Variants in SPATA13 observed in about 807,000 individuals in gnomAD.
SPATA13 encodes the protein spermatogenesis associated 13.
Under a neutral mutation model 104.0 loss-of-function variants are expected in SPATA13, and 50 were observed. That is an observed-to-expected ratio of 0.48 (90% confidence interval 0.38 to 0.61). SPATA13 has a LOEUF of 0.61. Among genes scored for constraint, SPATA13 ranks in the 20% least tolerant of loss-of-function variants. The pLI, the probability that SPATA13 is intolerant of heterozygous loss-of-function variation, is 0.00. For missense variants in SPATA13, 1,524 were observed against 1,690.6 expected, an observed-to-expected ratio of 0.90 and a Z score of 1.73; for synonymous variants, 606 against 667.5, an observed-to-expected ratio of 0.91 and a Z score of 1.42.
intron 3 of SPATA13, among the ~76,000 whole-genome samples, chr13:24,135,921 A>C (rs1881550190): frequency 2.0e-5 from 3 of 152,142 alleles, no homozygotes; most frequent in Non-Finnish European, 2.9e-5. Context: ...CAAATTCAGC[A>C]TAATGTGAAA....
intron 1 of SPATA13, among the ~76,000 whole-genome samples, chr13:24,217,228 TA>T (rs1424530454): frequency 6.6e-6 from 1 of 152,234 alleles, no homozygotes; most frequent in African/African-American, 2.4e-5. Flanking sequence ...TTGAGTCTCT[TA>T]AAACTTTTTT....
chr13:24,226,866 A>G (rs1871971529), intron 2 of SPATA13, among the ~76,000 whole-genome samples: 1 of 152,240 alleles, frequency 6.6e-6, no homozygotes, highest in Middle Eastern at 3.2e-3. Flanking sequence ...ATCGCAGAGT[A>G]CTTTCAGATT....
At chr13:24,138,168 G>T (rs1057259382) in intron 3 of SPATA13, among the ~76,000 whole-genome samples, 1 of 151,828 alleles carries the variant, frequency 6.6e-6, no homozygotes, top group Non-Finnish European at 1.5e-5. Flanking sequence ...TTAGCTGGGC[G>T]TGGTGACGTG....
At chr13:24,105,404 G>A (rs538899249) in intron 3 of SPATA13, among the ~76,000 whole-genome samples, 103 of 151,488 alleles carry the variant, frequency 6.8e-4, no homozygotes, top group African/African-American at 2.4e-3. Flanking sequence ...CTCCCAAAGT[G>A]CTGGGATTAC....
chr13:24,153,152 C>T (rs1354587176), intron 3 of SPATA13, among the ~76,000 whole-genome samples: 1 of 152,232 alleles, frequency 6.6e-6, no homozygotes, highest in Non-Finnish European at 1.5e-5. Context: ...ATCTCCCCAT[C>T]ATAAACATTA....
chr13:24,253,374 G>A (rs1301075753), intron 4 of SPATA13, among the ~76,000 whole-genome samples: 2 of 152,134 alleles, frequency 1.3e-5, no homozygotes, highest in East Asian at 3.9e-4. Flanking sequence ...GAGACACCCA[G>A]ATCCTCATCA....
At chr13:24,258,382 A>T (rs1873892587) in intron 4 of SPATA13, among the ~76,000 whole-genome samples, 1 of 151,418 alleles carries the variant, frequency 6.6e-6, no homozygotes, top group African/African-American at 2.4e-5. Flanking sequence ...AAAAAAAAAA[A>T]AAGGCCAGGC....
chr13:24,265,625 A>G (rs763600864), intron 4 of SPATA13, among the ~76,000 whole-genome samples: 5 of 152,046 alleles, frequency 3.3e-5, no homozygotes, highest in African/African-American at 1.2e-4. Flanking sequence ...AGTTGGGATT[A>G]TGGGTCATTC....
At chr13:24,188,569 C>G (rs2760363) in intron 1 of SPATA13, among the ~76,000 whole-genome samples, 2 of 151,840 alleles carry the variant, frequency 1.3e-5, no homozygotes, top group Admixed American at 1.3e-4. Context: ...CTAGTAGATG[C>G]GGGTTCTTGA....
At chr13:24,147,725 ACCC>A (rs1881977640) in intron 3 of SPATA13, among the ~76,000 whole-genome samples, 1 of 151,968 alleles carries the variant, frequency 6.6e-6, no homozygotes, top group South Asian at 2.1e-4. Flanking sequence ...TGAAACTGAA[ACCC>A]TGTACCCATT....
At chr13:24,300,802 C>A (rs1175679349) in intron 12 of SPATA13, among the ~76,000 whole-genome samples, 1 of 152,196 alleles carries the variant, frequency 6.6e-6, no homozygotes. Flanking sequence ...TCACGCACAT[C>A]CCCAGTCTGA....
chr13:24,199,204 A>G (rs1870264374), intron 1 of SPATA13, among the ~76,000 whole-genome samples: 2 of 152,110 alleles, frequency 1.3e-5, no homozygotes, highest in African/African-American at 4.8e-5. Flanking sequence ...ATAAAATCTT[A>G]AAGTTGAAGG....
chr13:24,050,239 G>C (rs1202788350), intron 3 of SPATA13, among the ~76,000 whole-genome samples: 3 of 152,076 alleles, frequency 2.0e-5, no homozygotes, highest in African/African-American at 4.8e-5. Context: ...ATGAGAAACT[G>C]TTAAGTATAA....
chr13:24,290,891 G>A lies in SPATA13; in HGVS notation c.3080+7G>A, dbSNP rs41287032. ...ATACCACACAGGAACACGGGTGAGG[G>A]GCATGGGTAAGGGGCACAGGTGAGA... On this transcript the variant is annotated splice_region_variant and intron_variant, in intron 9 of 12. Coordinates refer to ENST00000382108, the MANE Select transcript of SPATA13 (RefSeq NM_001166271.3). The A allele has an allele frequency of 0.087, 140,759 of 1,611,348 alleles. 7,121 individuals are homozygous for A. The highest frequency in any genetic ancestry group is 0.1 in the Non-Finnish European group (118,785 of 1,177,992).
intron 4 of SPATA13, among the ~76,000 whole-genome samples, chr13:24,268,036 C>A (rs963011277): frequency 6.6e-6 from 1 of 152,234 alleles, no homozygotes; most frequent in Non-Finnish European, 1.5e-5. Flanking sequence ...GGTCCATGGG[C>A]CCTACTGTGA....
At chr13:24,300,540 A>G in intron 12 of SPATA13, 65 bp downstream of exon 12, 1 of 1,475,590 alleles carries the variant, frequency 6.8e-7, no homozygotes, top group East Asian at 2.3e-5. Context: ...ATGGGAGCAT[A>G]CCCCAAGTTG....
intron 3 of SPATA13, among the ~76,000 whole-genome samples, chr13:24,052,136 T>G (rs1281113775): frequency 6.6e-6 from 1 of 152,112 alleles, no homozygotes; most frequent in Non-Finnish European, 1.5e-5. Context: ...CAATTCCAAA[T>G]GGAAGAAAGG....
intron 4 of SPATA13, among the ~76,000 whole-genome samples, chr13:24,268,636 G>A (rs763481891): frequency 1.3e-5 from 2 of 152,116 alleles, no homozygotes; most frequent in African/African-American, 2.4e-5. Flanking sequence ...GTGTGCGCCT[G>A]TAATCCCAGC....
chr13:23,985,773 A>G (rs868217561), intron 2 of SPATA13, among the ~76,000 whole-genome samples: 25 of 152,254 alleles, frequency 1.6e-4, no homozygotes, highest in African/African-American at 5.3e-4. Flanking sequence ...CACAGGCAAC[A>G]TAAGAATATA....
Sources: allele counts gnomAD v4.1 joint callset (sites outside exome capture counted in the v4.1 genomes callset), GRCh38; gene constraint gnomAD v4.1.1; transcripts MANE v1.5; gene names NCBI Gene and HGNC (gene_info 2026-07-23, HGNC 2026-07-21).